Variants in TLK2 observed in about 807,000 individuals in gnomAD.
The protein encoded by TLK2 is tousled like kinase 2.
A neutral mutation model predicts 117.3 loss-of-function variants in TLK2; 6 were observed. The observed-to-expected ratio is 0.05, with a 90% CI of 0.03 to 0.10. The LOEUF (loss-of-function observed/expected upper bound fraction) is 0.10, where lower values mean the gene tolerates loss of function less well. Ranked by LOEUF, TLK2 falls within the 10% of genes least tolerant of loss-of-function variation. The probability of loss-of-function intolerance (pLI) is 1.00; values close to 1 mark genes in which losing one functional copy is unlikely to be tolerated. For missense variants in TLK2, 299 were observed against 901.2 expected (o/e 0.33, Z 8.56); for synonymous variants, 257 against 316.7 (o/e 0.81, Z 2.00).
chr17:62,544,675 A>T (rs1056435254), intron 7 of TLK2, among the ~76,000 whole-genome samples: 1 of 152,168 alleles, frequency 6.6e-6, no homozygotes. Flanking sequence ...TCAAGATTGT[A>T]TTGGCTGTTT....
intron 2 of TLK2, among the ~76,000 whole-genome samples, chr17:62,485,805 G>A (rs191919423): frequency 2.1e-5 from 3 of 145,618 alleles, no homozygotes; most frequent in African/African-American, 7.5e-5. Context: ...TGTGAACCTA[G>A]TAATTTTCTG....
At chr17:62,521,194 G>A (rs1283944790) in intron 3 of TLK2, among the ~76,000 whole-genome samples, 3 of 152,086 alleles carry the variant, frequency 2.0e-5, no homozygotes, top group African/African-American at 7.2e-5. Flanking sequence ...TTAACTCCCT[G>A]GGTGCTGTTA....
chr17:62,578,423 C>T, intron 13 of TLK2, 54 bp from the exon 14 acceptor site: 1 of 1,424,466 alleles, frequency 7.0e-7, no homozygotes, highest in Non-Finnish European at 9.9e-7. Flanking sequence ...AAATAAGATC[C>T]CGAAAAGGTA....
intron 9 of TLK2, 47 bp downstream of exon 9, chr17:62,553,802 T>C (rs777208261): frequency 5.7e-6 from 7 of 1,219,330 alleles, no homozygotes; most frequent in South Asian, 2.4e-5. Flanking sequence ...CCATTTGTTA[T>C]ATATATTTGG....
rs374209971 is a variant in TLK2, at chr17:62,549,268, G to A, written c.532-3034G>A. On this transcript the variant is annotated intron_variant, in intron 7 of 21. Coordinates refer to ENST00000346027, the MANE Select transcript of TLK2 (RefSeq NM_006852.6). ...CAAAAAATTACCCGGGAGTGGTGGCGGGTGCCTGTAGTCCCAGCTACTCGG... is the reference window on the plus strand; with the variant it reads ...CAAAAAATTACCCGGGAGTGGTGGCAGGTGCCTGTAGTCCCAGCTACTCGG... 3.5e-3 allele frequency among the ~76,000 whole-genome samples: 510 copies of A among 146,692 alleles called. 6 individuals are homozygous for A. Among genetic ancestry groups the A allele is most frequent in the African/African-American group, 0.012 (490 of 40,310 alleles).
chr17:62,511,766 G>A (rs1166774232), intron 2 of TLK2, among the ~76,000 whole-genome samples: 2 of 152,164 alleles, frequency 1.3e-5, no homozygotes, highest in East Asian at 3.8e-4. Context: ...TTATTGCTGT[G>A]CAGTGTTCCA....
In TLK2 at chr17:62,573,754, A is replaced by C. The variant is rs912438696; in HGVS notation, c.1121+387A>C. Among the ~76,000 whole-genome samples the C allele has an allele frequency of 1.6e-4, 24 of 152,186 alleles. 1 individual carries two copies. Among genetic ancestry groups the C allele is most frequent in the Non-Finnish European group, 2.6e-4 (18 of 68,034 alleles). On this transcript the variant is annotated intron_variant, in intron 12 of 21. Transcript: ENST00000346027. ...TATTTCAGACTGAAGAATGCTCTTT[A>C]CTGGTCAAAAGAGCACTTAGTTAAT...
chr17:62,549,347 C>T (rs2078204720), intron 7 of TLK2, among the ~76,000 whole-genome samples: 2 of 116,202 alleles, frequency 1.7e-5, no homozygotes, highest in South Asian at 3.0e-4. Context: ...TGCAGTGAGA[C>T]GAGATCGTGC....
chr17:62,507,281 G>GA (rs900678568), intron 2 of TLK2: 6 of 144,926 alleles, frequency 4.1e-5, no homozygotes, highest in South Asian at 2.2e-4. Context: ...CTCAAAAAAA[G>GA]AAAAAAAAAA....
At chr17:62,478,030 T>TCGG (rs1323464292), upstream of TLK2, 1 of 150,826 alleles carries the variant, frequency 6.6e-6, no homozygotes, top group Non-Finnish European at 1.5e-5. Flanking sequence ...GGGCGGGGGC[T>TCGG]CGGCTTTGAT....
chr17:62,599,253 G>C (rs2082701139), intron 17 of TLK2, among the ~76,000 whole-genome samples: 1 of 152,216 alleles, frequency 6.6e-6, no homozygotes, highest in Admixed American at 6.5e-5. Context: ...TAGGGTGTTA[G>C]CATGCCCTGC....
At chr17:62,584,603 C>A (rs2081476950) in intron 15 of TLK2, among the ~76,000 whole-genome samples, 2 of 151,936 alleles carry the variant, frequency 1.3e-5, no homozygotes, top group Admixed American at 1.3e-4. Flanking sequence ...TTACTTGAGG[C>A]CAGGAGTTCA....
rs2078993448 is a variant in TLK2 at position 62,558,095 on chromosome 17, A to G, written c.721-1921A>G. Among the ~76,000 whole-genome samples, 5 of 151,694 alleles carry G rather than the reference A, an allele frequency of 3.3e-5. No individual in the cohort carries two copies. In the South Asian group the frequency reaches 1.0e-3, roughly 32 times the overall value. Reference sequence around the variant, plus strand: ...TATTCTTTCAGACGTCATTCATTGAATTTTGCCATTTTAATAAGATGTTGG... The same window carrying G: ...TATTCTTTCAGACGTCATTCATTGAGTTTTGCCATTTTAATAAGATGTTGG... On this transcript the variant is annotated intron_variant, in intron 9 of 21. Transcript: ENST00000346027.
chr17:62,481,418 T>G (rs2071633231), intron 2 of TLK2, among the ~76,000 whole-genome samples: 1 of 152,204 alleles, frequency 6.6e-6, no homozygotes, highest in Non-Finnish European at 1.5e-5. Context: ...TATATGTTTC[T>G]TCTTCCTTTC....
At chr17:62,583,420 TC>T (rs2081359379) in intron 15 of TLK2, among the ~76,000 whole-genome samples, 1 of 151,932 alleles carries the variant, frequency 6.6e-6, no homozygotes, top group South Asian at 2.1e-4. Context: ...AATTTGGGTG[TC>T]CAGTTATCTC....
chr17:62,586,379 C>T (rs79756973), intron 16 of TLK2, among the ~76,000 whole-genome samples, 153 bp downstream of exon 16: 3,726 of 152,232 alleles, frequency 0.024, 142 homozygotes, highest in African/African-American at 0.084. Flanking sequence ...AGTGTTACGA[C>T]GAGGAAACTG....
At chr17:62,584,107 G>GTTTTTTTTTTTTTTTTTTTTTTTTTT (rs572000997) in intron 15 of TLK2, among the ~76,000 whole-genome samples, 3 of 78,530 alleles carry the variant, frequency 3.8e-5, no homozygotes, top group South Asian at 6.0e-4. Flanking sequence ...TTCTTTTGTG[G>GTTTTTTTTTTTTTTTTTTTTTTTTTT]TTTTTTTTTT....
At chr17:62,547,210 T>C (rs2078012638) in intron 7 of TLK2, among the ~76,000 whole-genome samples, 1 of 152,338 alleles carries the variant, frequency 6.6e-6, no homozygotes, top group South Asian at 2.1e-4. Flanking sequence ...TTGAATTATC[T>C]TTTAACTCTT....
chr17:62,577,145 T>C (rs554208741), intron 13 of TLK2, among the ~76,000 whole-genome samples: 82 of 152,100 alleles, frequency 5.4e-4, no homozygotes, highest in African/African-American at 1.8e-3. Context: ...GTATTTTTAG[T>C]AGAGACGGGG....
Sources: gnomAD v4.1 joint callset for allele counts (sites outside exome capture counted in the v4.1 genomes callset) on GRCh38, gnomAD v4.1.1 for gene constraint, MANE v1.5 for transcripts, NCBI Gene and HGNC (gene_info 2026-07-23, HGNC 2026-07-21) for gene names.